SGCZ: variants seen among roughly 807,000 people sequenced by gnomAD.
SGCZ encodes zeta-sarcoglycan.
SGCZ carries 40 observed loss-of-function variants against 41.3 expected under a neutral mutation model. The observed-to-expected ratio is 0.97, with a 90% CI of 0.75 to 1.26. The LOEUF is 1.26. SGCZ is among the 50% of genes most tolerant of loss of function. The probability of loss-of-function intolerance (pLI) is 0.00; values close to 1 mark genes in which losing one functional copy is unlikely to be tolerated. For missense variants in SGCZ, 552 were observed against 369.8 expected (o/e 1.49, Z -4.04); for synonymous variants, 206 against 137.5 (o/e 1.50, Z -3.49).
chr8:14,103,115 A>G (rs942605852), intron 6 of SGCZ, among the ~76,000 whole-genome samples: 9 of 152,102 alleles, frequency 5.9e-5, no homozygotes, highest in Non-Finnish European at 1.0e-4. Context: ...AGAATGAGTG[A>G]CATCAGTCTG....
intron 4 of SGCZ, among the ~76,000 whole-genome samples, chr8:14,236,185 G>C (rs959164121): frequency 1.6e-4 from 24 of 152,178 alleles, no homozygotes; most frequent in Non-Finnish European, 3.5e-4. Context: ...GAATATTTAA[G>C]TGGATGGTTC....
intron 1 of SGCZ, among the ~76,000 whole-genome samples, chr8:14,701,703 C>G (rs1241968759): frequency 6.6e-6 from 1 of 151,834 alleles, no homozygotes; most frequent in African/African-American, 2.4e-5. Context: ...AGAAAGCAGA[C>G]ACAATCATGA....
intron 1 of SGCZ, among the ~76,000 whole-genome samples, chr8:14,750,891 A>T (rs1008333211): frequency 5.3e-5 from 8 of 152,186 alleles, no homozygotes; most frequent in African/African-American, 1.9e-4. Flanking sequence ...TCTCTTTTGT[A>T]TGAATAAAAC....
intron 1 of SGCZ, among the ~76,000 whole-genome samples, chr8:14,976,358 T>C (rs1342484840): frequency 6.6e-6 from 1 of 152,142 alleles, no homozygotes; most frequent in Non-Finnish European, 1.5e-5. Flanking sequence ...TTCAGGGCCA[T>C]ATGTGTGACA....
intron 4 of SGCZ, among the ~76,000 whole-genome samples, chr8:14,174,188 G>C (rs573243363): frequency 1.3e-5 from 2 of 152,016 alleles, no homozygotes; most frequent in African/African-American, 4.8e-5. Context: ...TCTTTAAAAA[G>C]AACAAAATTG....
At chr8:14,455,795 G>A (rs1800726580) in intron 2 of SGCZ, among the ~76,000 whole-genome samples, 1 of 152,152 alleles carries the variant, frequency 6.6e-6, no homozygotes. Context: ...CAGGCTCTAT[G>A]GACTGACATG....
At chr8:14,421,813 T>C (rs1032603112) in intron 2 of SGCZ, among the ~76,000 whole-genome samples, 10 of 152,124 alleles carry the variant, frequency 6.6e-5, no homozygotes, top group African/African-American at 2.4e-4. Flanking sequence ...AAATATATAC[T>C]AAATTTTATA....
intron 5 of SGCZ, among the ~76,000 whole-genome samples, chr8:14,160,182 G>A (rs1803997558): frequency 6.6e-6 from 1 of 152,100 alleles, no homozygotes; most frequent in East Asian, 1.9e-4. Context: ...AAAAAAAACA[G>A]GTCTAGATCT....
At chr8:14,213,908 A>C (rs1805903390) in intron 4 of SGCZ, among the ~76,000 whole-genome samples, 1 of 152,176 alleles carries the variant, frequency 6.6e-6, no homozygotes. Context: ...TCATTTATGT[A>C]GCTACTTTAC....
At chr8:14,150,254 T>A (rs1803658728) in intron 5 of SGCZ, among the ~76,000 whole-genome samples, 1 of 152,056 alleles carries the variant, frequency 6.6e-6, no homozygotes, top group African/African-American at 2.4e-5. Context: ...ACCCACAAAC[T>A]GGGAGAAAAT....
intron 2 of SGCZ, among the ~76,000 whole-genome samples, chr8:14,404,068 G>A (rs992485224): frequency 5.9e-5 from 9 of 152,108 alleles, no homozygotes; most frequent in Admixed American, 4.6e-4. Flanking sequence ...TGAGTATCAC[G>A]AAAAGAGAGA....
At chr8:14,614,984 ATGTG>A (rs968041640) in intron 1 of SGCZ, among the ~76,000 whole-genome samples, 1 of 135,000 alleles carries the variant, frequency 7.4e-6, no homozygotes, top group Non-Finnish European at 1.6e-5. Flanking sequence ...GTACACACAT[ATGTG>A]TGTGTATATA....
At chr8:14,767,759 C>T (rs1232639892) in intron 1 of SGCZ, among the ~76,000 whole-genome samples, 1 of 152,346 alleles carries the variant, frequency 6.6e-6, no homozygotes, top group East Asian at 1.9e-4. Flanking sequence ...ATTTCTGAGA[C>T]ACCTCTGTAC....
chr8:14,641,384 G>A (rs2117429195), intron 1 of SGCZ, among the ~76,000 whole-genome samples: 1 of 151,806 alleles, frequency 6.6e-6, no homozygotes, highest in South Asian at 2.1e-4. Flanking sequence ...TTTAATAAAT[G>A]TTTGTAGAAA....
At chr8:14,649,051 G>C (rs1289452790) in intron 1 of SGCZ, among the ~76,000 whole-genome samples, 1 of 152,068 alleles carries the variant, frequency 6.6e-6, no homozygotes, top group Non-Finnish European at 1.5e-5. Flanking sequence ...AAAATCACGT[G>C]TTACATAAAT....
intron 1 of SGCZ, among the ~76,000 whole-genome samples, chr8:15,213,243 A>G (rs1411061659): frequency 6.6e-6 from 1 of 151,948 alleles, no homozygotes; most frequent in Non-Finnish European, 1.5e-5. Flanking sequence ...AATTGCAACA[A>G]GAGTAATCCT....
At position 14,465,590 on chromosome 8, in the gene SGCZ, T is replaced by C. The variant is rs143728551; in HGVS notation, c.234+89142A>G. 3.4e-3 allele frequency among the ~76,000 whole-genome samples: 519 copies of C among 151,866 alleles called. 2 individuals are homozygous for C. The highest frequency in any genetic ancestry group is 0.01 in the African/African-American group (426 of 41,520). ...TTGGGTCTTTTCTTTCTTGTATTAC[T>C]GTATCTTTTATGTTGATTTTCTGAA... On this transcript the variant is annotated intron_variant, in intron 2 of 7. Transcript: ENST00000382080.
chr8:14,768,979 T>C (rs764851667), intron 1 of SGCZ, among the ~76,000 whole-genome samples: 3 of 151,974 alleles, frequency 2.0e-5, no homozygotes, highest in African/African-American at 4.8e-5. Context: ...CATATATCCA[T>C]ATGTAGATAC....
chr8:14,656,204 TAAAGTGTCTTTATCCAG>T (rs900727008), intron 1 of SGCZ, among the ~76,000 whole-genome samples: 1 of 82,166 alleles, frequency 1.2e-5, no homozygotes, highest in African/African-American at 3.9e-5. Flanking sequence ...AAAGCAGAGA[TAAAGTGTCTTTATCCAG>T]AGATAAAGTG....
Sources: allele counts gnomAD v4.1 joint callset (sites outside exome capture counted in the v4.1 genomes callset), GRCh38; gene constraint gnomAD v4.1.1; transcripts MANE v1.5; gene names NCBI Gene and HGNC (gene_info 2026-07-23, HGNC 2026-07-21).